Variants in FAM83G observed in about 807,000 individuals in gnomAD.
FAM83G encodes scaffolding CK1 anchoring protein G.
FAM83G carries 38 observed loss-of-function variants against 61.5 expected under a neutral mutation model. That is an observed-to-expected ratio of 0.62 (90% CI 0.48 to 0.81). The LOEUF (loss-of-function observed/expected upper bound fraction) is 0.81. Ranked by LOEUF, FAM83G falls within the 30% of genes least tolerant of loss-of-function variation. FAM83G has a pLI of 0.00. For synonymous variants in FAM83G, 470 were observed against 476.1 expected, an observed-to-expected ratio of 0.99 and a Z score of 0.17; for missense variants, 989 against 1,133.6, an observed-to-expected ratio of 0.87 and a Z score of 1.83.
chr17:18,972,638 G>A (rs940025789), intron 5 of FAM83G, among the ~76,000 whole-genome samples: 13 of 152,254 alleles, frequency 8.5e-5, no homozygotes, highest in Admixed American at 7.2e-4. Flanking sequence ...TGACATGGGC[G>A]GATCACGAGG....
intron 2 of FAM83G, among the ~76,000 whole-genome samples, chr17:18,991,913 C>G (rs2152132952): frequency 6.6e-6 from 1 of 152,268 alleles, no homozygotes; most frequent in Admixed American, 6.5e-5. Flanking sequence ...TGACTCCTGC[C>G]AGGGTGTGGG....
chr17:18,968,979 CGA>C lies in FAM83G; in HGVS notation c.*2378_*2379del. The C allele has an allele frequency of 2.0e-6, 3 of 1,481,630 alleles. No individual in the cohort carries two copies. Among genetic ancestry groups the C allele is most frequent in the Non-Finnish European group, 2.7e-6 (3 of 1,096,604 alleles). 91.8% of individuals were successfully genotyped at this position (1,481,630 alleles called of 1,614,324 possible). On this transcript the variant is annotated 3_prime_UTR_variant, in exon 6 of 6. Coordinates refer to ENST00000388995, the MANE Select transcript of FAM83G (RefSeq NM_001039999.3). The surrounding 1 kb of genome is among the most constrained non-coding windows in gnomAD (Gnocchi z 4.1). ...ACCGAGGCCCAGAGAGGGCCTTGCC[CGA>C]GGTCACCCAGGGAGTGGCTTGCTGG... is the stretch of plus-strand genomic sequence containing the variant.
Position 18,979,355 on chromosome 17 carries a change from C to T in FAM83G, c.815+194G>A, listed in dbSNP as rs115874504. 9.7e-4 allele frequency: 686 copies of T among 704,696 alleles called. No individual in the cohort carries two copies. In the African/African-American group the frequency reaches 0.011, roughly 11 times the overall value. The allele number at this position is 704,696 out of a possible 1,614,324, so 43.7% of individuals were successfully genotyped here. A position where few individuals can be genotyped will look rare whatever the true frequency, so the allele number is the denominator to read the frequency against. ...CGGTGACATCTCCAAGCTGGAACAA[C>T]AGCGTCCTCAGACAAAGCCCTTCTC... On this transcript the variant is annotated intron_variant, in intron 4 of 5. Transcript: ENST00000388995.
At position 18,971,529 on chromosome 17, in the gene FAM83G, G is replaced by A. The variant is rs369370025; in HGVS notation, c.2302C>T (p.Arg768Cys). 56 of 1,613,864 alleles carry A rather than the reference G, an allele frequency of 3.5e-5. No individual in the cohort carries two copies. The highest frequency in any genetic ancestry group is 6.7e-5 in the East Asian group (3 of 44,890). ...PGSPRLAQNA[R>C]PMTDGRATEE... ...GTGGCCCTGCCATCGGTCATGGGGCGGGCATTTTGGGCCAGTCTTGGGCTG... is the reference window on the plus strand; with the variant it reads ...GTGGCCCTGCCATCGGTCATGGGGCAGGCATTTTGGGCCAGTCTTGGGCTG... Residue 768 changes from arginine to cysteine, a missense_variant, in exon 6 of 6, where the codon CGC becomes TGC. Physicochemically the swap from Arg to Cys is radical, Grantham distance 180 (BLOSUM62 -3). Transcript: ENST00000388995. The surrounding 1 kb of genome is among the most constrained non-coding windows in gnomAD (Gnocchi z 5.5).
intron 2 of FAM83G, among the ~76,000 whole-genome samples, chr17:18,991,544 T>C (rs1022145023): frequency 1.3e-5 from 2 of 152,160 alleles, no homozygotes; most frequent in Admixed American, 1.3e-4. Flanking sequence ...CAGCTCTACC[T>C]GCTGTTATGT....
At position 18,969,012 on chromosome 17, in the gene FAM83G, T is replaced by C. The variant is rs757987561; in HGVS notation, c.*2347A>G. The C allele has an allele frequency of 5.7e-6, 9 of 1,577,224 alleles. No homozygotes were observed. Among genetic ancestry groups the C allele is most frequent in the South Asian group, 2.4e-5 (2 of 84,862 alleles). ...CCCAGGGAGTGGCTTGCTGGAGCCCTGGGAATAACAGTCCCACACAAGGCT... is the reference window on the plus strand; with the variant it reads ...CCCAGGGAGTGGCTTGCTGGAGCCCCGGGAATAACAGTCCCACACAAGGCT... On this transcript the variant is annotated 3_prime_UTR_variant, in exon 6 of 6. Coordinates refer to ENST00000388995, the MANE Select transcript of FAM83G (RefSeq NM_001039999.3).
At chr17:18,998,705 G>A (rs1330300183) in intron 2 of FAM83G, among the ~76,000 whole-genome samples, 2 of 152,204 alleles carry the variant, frequency 1.3e-5, no homozygotes, top group Non-Finnish European at 2.9e-5. Flanking sequence ...CCTTTGGAGC[G>A]CACAGGAGTT....
chr17:18,990,281 C>T (rs776539386), intron 2 of FAM83G, among the ~76,000 whole-genome samples: 5 of 152,152 alleles, frequency 3.3e-5, no homozygotes, highest in African/African-American at 1.2e-4. Context: ...AGAGAAGACA[C>T]GATGCAGGCA....
chr17:19,004,166 C>T lies in FAM83G; in HGVS notation c.-125G>A, dbSNP rs977696543. 3 of 768,146 alleles carry T rather than the reference C, an allele frequency of 3.9e-6. No individual in the cohort carries two copies. The highest frequency in any genetic ancestry group is 5.5e-6 in the Non-Finnish European group (3 of 544,890). 47.6% of individuals were successfully genotyped at this position (768,146 alleles called of 1,614,324 possible). A position where few individuals can be genotyped will look rare whatever the true frequency, so the allele number is the denominator to read the frequency against. On this transcript the variant is annotated 5_prime_UTR_variant, in exon 2 of 6. Transcript: ENST00000388995. The surrounding 1 kb of genome is among the most constrained non-coding windows in gnomAD (Gnocchi z 5.4). Reference sequence around the variant, plus strand: ...CGGCCTCTGCTTCTCTGCCCATGAGCAATCTGCGGGAAAGACCTGATGAGC... The same window carrying T: ...CGGCCTCTGCTTCTCTGCCCATGAGTAATCTGCGGGAAAGACCTGATGAGC...
In FAM83G at chr17:18,969,046, C is replaced by T. The variant is rs1250051354; in HGVS notation, c.*2313G>A. 1.2e-6 allele frequency: 2 copies of T among 1,611,356 alleles called. No homozygotes were observed. The highest frequency in any genetic ancestry group is 2.2e-5 in the East Asian group (1 of 44,860). ...CAGTCCCACACAAGGCTCTCTCCCT[C>T]CGCAGCTGGACCTGTACGCGGGGGC... is the stretch of plus-strand genomic sequence containing the variant. On this transcript the variant is annotated 3_prime_UTR_variant, in exon 6 of 6. Transcript: ENST00000388995.
chr17:18,985,229 C>T (rs769369234), intron 3 of FAM83G, among the ~76,000 whole-genome samples: 12 of 152,214 alleles, frequency 7.9e-5, no homozygotes, highest in Admixed American at 2.0e-4. Context: ...AAACGGCCTC[C>T]TTCACTCTTC....
intron 2 of FAM83G, among the ~76,000 whole-genome samples, chr17:18,992,775 A>AC (rs1221096078): frequency 6.6e-6 from 1 of 151,908 alleles, no homozygotes; most frequent in Non-Finnish European, 1.5e-5. Context: ...CTGCCGAGGG[A>AC]CCCCAACTCC....
chr17:18,994,510 C>T (rs758308559), intron 2 of FAM83G, among the ~76,000 whole-genome samples: 12 of 152,092 alleles, frequency 7.9e-5, no homozygotes, highest in Non-Finnish European at 1.8e-4. Flanking sequence ...GAGCAGCACA[C>T]GAACGTGAGG....
intron 5 of FAM83G, chr17:18,977,213 G>A (rs554479630): frequency 1.6e-6 from 1 of 636,054 alleles, no homozygotes; most frequent in South Asian, 2.0e-5. Context: ...GTGACCTCAA[G>A]GCTGTAAATG....
chr17:18,971,096 T>C lies in FAM83G; in HGVS notation c.*263A>G. 1 of 1,614,062 alleles carries C rather than the reference T, an allele frequency of 6.2e-7. No homozygotes were observed. The highest frequency in any genetic ancestry group is 1.6e-4 in the Middle Eastern group (1 of 6,062). On this transcript the variant is annotated 3_prime_UTR_variant, in exon 6 of 6. Transcript: ENST00000388995. The surrounding 1 kb of genome is among the most constrained non-coding windows in gnomAD (Gnocchi z 5.5). ...CTCCAGGACCATTGCCAACACCACC[T>C]GCCACCTGCCACGTACAGACGCCAT...
At position 18,970,981 on chromosome 17, in the gene FAM83G, A is replaced by G. The variant is rs2152001385; in HGVS notation, c.*378T>C. Reference sequence around the variant, plus strand: ...AGGGAGTCAGGGCCCCGCAACCACCAAACTGTCCCTGTTCCACCCTGACCC... The same window carrying G: ...AGGGAGTCAGGGCCCCGCAACCACCGAACTGTCCCTGTTCCACCCTGACCC... On this transcript the variant is annotated 3_prime_UTR_variant, in exon 6 of 6. Transcript: ENST00000388995. 3 of 1,609,132 alleles carry G rather than the reference A, an allele frequency of 1.9e-6. No individual in the cohort carries two copies. The South Asian group carries it at 3.3e-5, about 18-fold the overall frequency.
At chr17:18,974,126 C>T (rs1018347050) in intron 5 of FAM83G, among the ~76,000 whole-genome samples, 11 of 151,966 alleles carry the variant, frequency 7.2e-5, no homozygotes, top group African/African-American at 2.7e-4. Context: ...CTCCTGACCT[C>T]GTGATCCGCC....
At chr17:18,991,860 G>A (rs2043434531) in intron 2 of FAM83G, among the ~76,000 whole-genome samples, 1 of 152,210 alleles carries the variant, frequency 6.6e-6, no homozygotes, top group African/African-American at 2.4e-5. Context: ...CCTCGAAGAT[G>A]CAGCTGCAGA....
At chr17:18,982,290 C>T (rs1401513608) in intron 3 of FAM83G, among the ~76,000 whole-genome samples, 2 of 152,152 alleles carry the variant, frequency 1.3e-5, no homozygotes, top group Non-Finnish European at 2.9e-5. Context: ...GCAGCAGGGC[C>T]CCCCACCTCT....
Sources: gnomAD v4.1 joint callset for allele counts (sites outside exome capture counted in the v4.1 genomes callset) on GRCh38, gnomAD v4.1.1 for gene constraint, Gnocchi (gnomAD v3.1) non-coding constraint, MANE v1.5 for transcripts, NCBI Gene and HGNC (gene_info 2026-07-23, HGNC 2026-07-21) for gene names.